Variants in HMBOX1 observed in about 807,000 individuals in gnomAD.
HMBOX1 encodes the protein homeobox containing 1.
HMBOX1 carries 14 observed loss-of-function variants against 54.5 expected under a neutral mutation model. The ratio of observed to expected loss-of-function variants is 0.26; its 90% CI spans 0.17 to 0.40. HMBOX1 has a LOEUF of 0.40. Ranked by LOEUF, HMBOX1 falls within the 10% of genes least tolerant of loss-of-function variation. HMBOX1 has a pLI of 1.00. For synonymous variants in HMBOX1, 160 were observed against 181.0 expected, an observed-to-expected ratio of 0.88 and a Z score of 0.93; for missense variants, 332 against 514.4, an observed-to-expected ratio of 0.65 and a Z score of 3.43.
chr8:28,908,832 C>G (rs992651477), intron 1 of HMBOX1, among the ~76,000 whole-genome samples: 1 of 152,032 alleles, frequency 6.6e-6, no homozygotes, highest in South Asian at 2.1e-4. Flanking sequence ...GGTGGCTCCT[C>G]CCTGTAATTT....
chr8:28,901,547 C>T (rs1813231319), intron 1 of HMBOX1, among the ~76,000 whole-genome samples: 1 of 152,222 alleles, frequency 6.6e-6, no homozygotes, highest in Admixed American at 6.5e-5. Context: ...TTGCCATCCT[C>T]ATTACTTCTT....
At chr8:29,031,814 A>G (rs1416987068) in intron 6 of HMBOX1, among the ~76,000 whole-genome samples, 1 of 152,204 alleles carries the variant, frequency 6.6e-6, no homozygotes, top group African/African-American at 2.4e-5. Context: ...TGGAGGAGTC[A>G]GGTTAAAAAT....
At chr8:28,940,386 G>A (rs760173433) in intron 1 of HMBOX1, among the ~76,000 whole-genome samples, 3 of 152,082 alleles carry the variant, frequency 2.0e-5, no homozygotes, top group African/African-American at 4.8e-5. Flanking sequence ...CAACCTCTCT[G>A]ACAAAGTCAA....
chr8:28,939,243 T>G (rs937789944), intron 1 of HMBOX1, among the ~76,000 whole-genome samples: 4 of 150,758 alleles, frequency 2.7e-5, no homozygotes, highest in Non-Finnish European at 5.9e-5. Flanking sequence ...GAGCCGAGAT[T>G]GCACCATTGC....
intron 1 of HMBOX1, among the ~76,000 whole-genome samples, chr8:28,927,351 G>T (rs1025065912): frequency 1.3e-5 from 2 of 152,082 alleles, no homozygotes; most frequent in African/African-American, 4.8e-5. Flanking sequence ...ACTATAAAGG[G>T]ATATCTGAAG....
chr8:29,006,968 A>C (rs542454204), intron 4 of HMBOX1, among the ~76,000 whole-genome samples: 1 of 152,240 alleles, frequency 6.6e-6, no homozygotes, highest in Non-Finnish European at 1.5e-5. Flanking sequence ...TGTTGATTTC[A>C]TGGTGGTTGT....
chr8:29,027,339 G>T (rs546767414), intron 6 of HMBOX1, among the ~76,000 whole-genome samples: 23 of 152,342 alleles, frequency 1.5e-4, no homozygotes, highest in African/African-American at 5.3e-4. Flanking sequence ...ACATTTAAGG[G>T]TGAGAAGAGT....
chr8:28,994,415 A>C (rs1180747515), intron 4 of HMBOX1, among the ~76,000 whole-genome samples: 1 of 152,218 alleles, frequency 6.6e-6, no homozygotes, highest in Non-Finnish European at 1.5e-5. Context: ...TTTGAAAATG[A>C]AAAAATAAAT....
chr8:29,043,610 A>C (rs948669313), intron 6 of HMBOX1, among the ~76,000 whole-genome samples: 1 of 152,238 alleles, frequency 6.6e-6, no homozygotes, highest in Admixed American at 6.5e-5. Flanking sequence ...GAACTCATCC[A>C]GTACATCTCA....
intron 1 of HMBOX1, among the ~76,000 whole-genome samples, chr8:28,927,941 C>A (rs1251027782): frequency 2.0e-5 from 3 of 150,996 alleles, no homozygotes; most frequent in Admixed American, 6.6e-5. Flanking sequence ...TCGAGACCAT[C>A]CTGGCTAACA....
intron 1 of HMBOX1, among the ~76,000 whole-genome samples, chr8:28,918,637 C>T (rs977256660): frequency 6.6e-6 from 1 of 152,178 alleles, no homozygotes; most frequent in Admixed American, 6.5e-5. Context: ...ATGATGTTCC[C>T]TCTTTCATTA....
rs762642641 is a variant in HMBOX1, at chr8:29,018,916, A to G, written c.851+3A>G. ...GAGTGCCTGGCTGTTATGGAAAGGT[A>G]TGTGTCTCCTTTTTCTACGAATGAT... On this transcript the variant is annotated splice_donor_region_variant and intron_variant, in intron 6 of 9. Transcript: ENST00000287701. The G allele has an allele frequency of 1.2e-6, 2 of 1,613,904 alleles. No individual in the cohort carries two copies. The highest frequency in any genetic ancestry group is 4.5e-5 in the East Asian group (2 of 44,872).
At chr8:28,909,095 TAA>T (rs777937494) in intron 1 of HMBOX1, among the ~76,000 whole-genome samples, 36 of 129,312 alleles carry the variant, frequency 2.8e-4, no homozygotes, top group Admixed American at 3.1e-4. Context: ...ACCCTATCTC[TAA>T]AAAAAAAAAA....
chr8:28,933,327 A>T (rs1214535877), intron 1 of HMBOX1, among the ~76,000 whole-genome samples: 1 of 152,170 alleles, frequency 6.6e-6, no homozygotes, highest in Non-Finnish European at 1.5e-5. Flanking sequence ...TTCCCCCAGT[A>T]TGGCAACTCT....
chr8:28,899,453 C>T (rs1338571511), intron 1 of HMBOX1, among the ~76,000 whole-genome samples: 10 of 152,208 alleles, frequency 6.6e-5, no homozygotes, highest in Non-Finnish European at 7.3e-5. Flanking sequence ...ATAGTGACAA[C>T]TGTTCTCTTA....
At chr8:28,921,653 A>G (rs1299728188) in intron 1 of HMBOX1, among the ~76,000 whole-genome samples, 2 of 152,218 alleles carry the variant, frequency 1.3e-5, no homozygotes, top group Non-Finnish European at 2.9e-5. Flanking sequence ...ATAACTGCAA[A>G]ATTACTCCAA....
chr8:29,006,251 C>A (rs1000774889), intron 4 of HMBOX1, among the ~76,000 whole-genome samples: 13 of 152,120 alleles, frequency 8.5e-5, no homozygotes, highest in African/African-American at 3.1e-4. Context: ...CCTCTGCCTC[C>A]CAAAGTGCCG....
intron 6 of HMBOX1, among the ~76,000 whole-genome samples, chr8:29,032,539 C>T (rs1018403934): frequency 9.2e-5 from 14 of 151,422 alleles, no homozygotes; most frequent in African/African-American, 3.4e-4. Flanking sequence ...TTCAGTTTTT[C>T]TTTAACTGAC....
chr8:28,894,979 T>C (rs1210485834), intron 1 of HMBOX1, among the ~76,000 whole-genome samples: 3 of 152,084 alleles, frequency 2.0e-5, no homozygotes, highest in Non-Finnish European at 4.4e-5. Flanking sequence ...TGATTTTAGC[T>C]TTGAAGTGAT....
Sources: gnomAD v4.1 joint callset for allele counts (sites outside exome capture counted in the v4.1 genomes callset) on GRCh38, gnomAD v4.1.1 for gene constraint, MANE v1.5 for transcripts, NCBI Gene and HGNC (gene_info 2026-07-23, HGNC 2026-07-21) for gene names.